SLC6A11: variants seen among roughly 807,000 people sequenced by gnomAD.
SLC6A11 encodes the protein sodium- and chloride-dependent GABA transporter 3.
In SLC6A11, 25 loss-of-function variants were observed where a neutral mutation model predicts 74.8. The ratio of observed to expected loss-of-function variants is 0.33; its 90% CI spans 0.24 to 0.47. The LOEUF is 0.47. Ranked by LOEUF, SLC6A11 falls within the 20% of genes least tolerant of loss-of-function variation. The probability of loss-of-function intolerance (pLI) is 1.00; values close to 1 mark genes in which losing one functional copy is unlikely to be tolerated. For synonymous variants in SLC6A11, 330 were observed against 330.2 expected, an observed-to-expected ratio of 1.00 and a Z score of 0.01; for missense variants, 574 against 837.0, an observed-to-expected ratio of 0.69 and a Z score of 3.88.
At chr3:10,877,942 C>T (rs997626795) in intron 6 of SLC6A11, among the ~76,000 whole-genome samples, 3 of 152,142 alleles carry the variant, frequency 2.0e-5, no homozygotes, top group Non-Finnish European at 2.9e-5. Context: ...ACCTGACCCC[C>T]GACTCCGTCC....
chr3:10,913,473 G>A (rs534651759), intron 7 of SLC6A11, among the ~76,000 whole-genome samples: 3 of 152,180 alleles, frequency 2.0e-5, no homozygotes, highest in South Asian at 4.2e-4. Context: ...AGTTTCTTTT[G>A]TTTAACTTTG....
chr3:10,835,813 T>TGTTC (rs1294987962), intron 4 of SLC6A11, among the ~76,000 whole-genome samples: 2 of 152,198 alleles, frequency 1.3e-5, no homozygotes, highest in Non-Finnish European at 2.9e-5. Flanking sequence ...TTAGGAAGTA[T>TGTTC]TGCCTTGGAA....
chr3:10,863,862 G>A (rs370566187), intron 5 of SLC6A11, among the ~76,000 whole-genome samples: 7 of 152,236 alleles, frequency 4.6e-5, no homozygotes, highest in Admixed American at 2.0e-4. Context: ...TCAAACTCCC[G>A]AGGGGTCCGT....
At chr3:10,830,574 A>AG (rs1694281621) in intron 4 of SLC6A11, among the ~76,000 whole-genome samples, 2 of 152,206 alleles carry the variant, frequency 1.3e-5, no homozygotes, top group South Asian at 4.1e-4. Flanking sequence ...AAAAGTCAGC[A>AG]GGTTTAGGGG....
intron 5 of SLC6A11, among the ~76,000 whole-genome samples, chr3:10,872,981 G>A (rs1426607446): frequency 6.6e-6 from 1 of 152,168 alleles, no homozygotes; most frequent in African/African-American, 2.4e-5. Context: ...GAGGAGGCAG[G>A]CCCCACTGAG....
intron 8 of SLC6A11, among the ~76,000 whole-genome samples, chr3:10,923,347 A>T (rs1388110926): frequency 6.6e-6 from 1 of 152,140 alleles, no homozygotes; most frequent in Non-Finnish European, 1.5e-5. Context: ...ATGCCAAAAA[A>T]TAAGGAAGTG....
intron 7 of SLC6A11, among the ~76,000 whole-genome samples, chr3:10,916,192 A>C (rs1695452070): frequency 6.6e-6 from 1 of 152,118 alleles, no homozygotes; most frequent in African/African-American, 2.4e-5. Context: ...GGAATAACTA[A>C]CTCTGCCCTT....
chr3:10,892,445 G>T (rs1306480449), intron 6 of SLC6A11, among the ~76,000 whole-genome samples: 2 of 152,108 alleles, frequency 1.3e-5, no homozygotes, highest in African/African-American at 2.4e-5. Context: ...TGCATGGTAC[G>T]AAACTCCCAG....
chr3:10,877,580 T>C (rs6442212), intron 6 of SLC6A11, among the ~76,000 whole-genome samples: 5,614 of 152,256 alleles, frequency 0.037, 361 homozygotes, highest in African/African-American at 0.13. Flanking sequence ...CACAACCCTC[T>C]GACTTCCAGA....
At chr3:10,937,436 A>G (rs1330679397) in intron 13 of SLC6A11, among the ~76,000 whole-genome samples, 1 of 152,228 alleles carries the variant, frequency 6.6e-6, no homozygotes, top group Non-Finnish European at 1.5e-5. Flanking sequence ...GCACAGCAGG[A>G]TCTGAAAGAG....
intron 5 of SLC6A11, among the ~76,000 whole-genome samples, chr3:10,852,127 C>A (rs898413888): frequency 8.5e-5 from 13 of 152,250 alleles, no homozygotes; most frequent in African/African-American, 3.1e-4. Context: ...TGTCTCTGGG[C>A]CCTCAAGTGG....
At chr3:10,907,674 C>G (rs769162707) in intron 6 of SLC6A11, among the ~76,000 whole-genome samples, 56 of 152,202 alleles carry the variant, frequency 3.7e-4, no homozygotes, top group Non-Finnish European at 1.9e-4. Context: ...TGGCACCAGA[C>G]CTTTCTACCA....
Position 10,938,451 on chromosome 3 carries a change from T to C in SLC6A11, c.*49T>C, listed in dbSNP as rs750133422. On this transcript the variant is annotated 3_prime_UTR_variant, in exon 14 of 14. Coordinates refer to ENST00000254488, the MANE Select transcript of SLC6A11 (RefSeq NM_014229.3). ...CTTCTTCCTTTCTTCCCCCCGTGTA[T>C]GTAAATGAATTCCTGAACCCCATAC... 1.2e-5 allele frequency: 19 copies of C among 1,532,412 alleles called. No individual in the cohort carries two copies. Among genetic ancestry groups the C allele is most frequent in the Non-Finnish European group, 1.7e-5 (19 of 1,130,214 alleles). 94.9% of individuals were successfully genotyped at this position (1,532,412 alleles called of 1,614,324 possible). A position where few individuals can be genotyped will look rare whatever the true frequency, so the allele number is the denominator to read the frequency against.
chr3:10,863,871 G>A (rs760654914), intron 5 of SLC6A11, among the ~76,000 whole-genome samples: 3 of 152,128 alleles, frequency 2.0e-5, no homozygotes, highest in Non-Finnish European at 2.9e-5. Context: ...CGAGGGGTCC[G>A]TTCGGGGCTT....
intron 4 of SLC6A11, among the ~76,000 whole-genome samples, chr3:10,835,358 C>G (rs1021548057): frequency 2.0e-5 from 3 of 152,192 alleles, no homozygotes; most frequent in Non-Finnish European, 2.9e-5. Context: ...GTGGGATCCA[C>G]GTTCTGCGAG....
intron 5 of SLC6A11, among the ~76,000 whole-genome samples, chr3:10,874,011 T>C (rs145812164): frequency 0.039 from 5,900 of 151,864 alleles, 166 homozygotes; most frequent in Middle Eastern, 0.075. Context: ...TGCTATGCTA[T>C]GCTATACCAT....
At position 10,935,108 on chromosome 3, in the gene SLC6A11, G is replaced by A; in HGVS notation, c.1655G>A (p.Gly552Asp). Residue 552 changes from glycine to aspartate, a missense_variant, in exon 13 of 14, where the codon GGC becomes GAC. Coordinates refer to ENST00000254488, the MANE Select transcript of SLC6A11 (RefSeq NM_014229.3). ...NIYTYPAWGY[G>D]IGWLMALSSM... ...TACACCTACCCAGCCTGGGGCTATG[G>A]CATTGGCTGGCTCATGGCCCTGTCC... is the stretch of plus-strand genomic sequence containing the variant. 6.2e-7 allele frequency: 1 copy of A among 1,613,816 alleles called. No individual in the cohort carries two copies. Among genetic ancestry groups the A allele is most frequent in the Non-Finnish European group, 8.5e-7 (1 of 1,179,676 alleles).
rs1695447773 is a variant in SLC6A11 at position 10,915,920 on chromosome 3, A to G, written c.996-2409A>G. ...TTCATCTTAATTTTTAGGGTGCATC[A>G]TTTTTGTTTAGCTCCTAGCAAAAGC... On this transcript the variant is annotated intron_variant, in intron 7 of 13. Coordinates refer to ENST00000254488, the MANE Select transcript of SLC6A11 (RefSeq NM_014229.3). The surrounding 1 kb of genome is among the most constrained non-coding windows in gnomAD (Gnocchi z 4.3). 6.6e-6 allele frequency among the ~76,000 whole-genome samples: 1 copy of G among 152,174 alleles called. No individual in the cohort carries two copies.
chr3:10,908,320 C>A (rs1377148948), intron 6 of SLC6A11, among the ~76,000 whole-genome samples: 2 of 152,100 alleles, frequency 1.3e-5, no homozygotes, highest in Admixed American at 6.5e-5. Context: ...GGAGGGAAGA[C>A]AAATGGAGGC....
Sources: allele counts gnomAD v4.1 joint callset (sites outside exome capture counted in the v4.1 genomes callset), GRCh38; gene constraint gnomAD v4.1.1; non-coding constraint Gnocchi (gnomAD v3.1); transcripts MANE v1.5; gene names NCBI Gene and HGNC (gene_info 2026-07-23, HGNC 2026-07-21).